The following C3 variants were observed in gnomAD, a reference collection of about 807,000 sequenced individuals.
C3 encodes C3 and PZP-like alpha-2-macroglobulin domain-containing protein 1.
C3 carries 97 observed loss-of-function variants against 207.9 expected under a neutral mutation model. The ratio of observed to expected loss-of-function variants is 0.47; its 90% CI spans 0.40 to 0.55. C3 has a LOEUF of 0.55. C3 is among the 20% of genes least tolerant of loss of function. C3 has a pLI of 0.00. For missense variants in C3, 1,684 were observed against 2,171.7 expected (o/e 0.78, Z 4.46); for synonymous variants, 848 against 857.6 (o/e 0.99, Z 0.20).
Position 6,686,247 on chromosome 19 carries a change from G to A in C3, c.3687C>T (p.Asn1229=), listed in dbSNP as rs201108539. ...RWEDPGKQLY[N]VEATSYALLA... Reference sequence around the variant, plus strand: ...AGAGGGCATAGGATGTGGCCTCCACGTTGTAGAGCTGCTTACCAGGGTCCT... The same window carrying A: ...AGAGGGCATAGGATGTGGCCTCCACATTGTAGAGCTGCTTACCAGGGTCCT... The change falls in exon 29 of 41, where the codon AAC becomes AAT. Residue 1229 remains asparagine, a synonymous_variant. Transcript: ENST00000245907. The A allele has an allele frequency of 1.4e-4, 234 of 1,614,054 alleles. No individual in the cohort carries two copies. The highest frequency in any genetic ancestry group is 3.3e-4 in the Middle Eastern group (2 of 6,060).
chr19:6,711,148 T>C lies in C3; in HGVS notation c.1318A>G (p.Thr440Ala). The part of the protein sequence containing the change: ...ELSEAEQATR[T>A]MQALPYSTVG... ...GTGCTGTAGGGCAGAGCCTGCATGG[T>C]CCTGGTAGCCTGCTCTGCCTCCGAG... The change falls in exon 12 of 41, where the codon ACC becomes GCC. Residue 440 changes from threonine (T) to alanine (A), a missense_variant. By Grantham distance (58) the Thr-to-Ala change is moderately conservative. Coordinates refer to ENST00000245907, the MANE Select transcript of C3 (RefSeq NM_000064.4). 1 of 1,613,978 alleles carries C rather than the reference T, an allele frequency of 6.2e-7. No homozygotes were observed. The highest frequency in any genetic ancestry group is 1.1e-5 in the South Asian group (1 of 91,076).
At chr19:6,698,261 C>T (rs748749251) in intron 19 of C3, among the ~76,000 whole-genome samples, 31 of 152,034 alleles carry the variant, frequency 2.0e-4, no homozygotes, top group Non-Finnish European at 3.8e-4. Flanking sequence ...ACGATCCACC[C>T]GCCTCAGCCT....
Position 6,711,112 on chromosome 19 carries a change from A to T in C3, c.1354T>A (p.Ser452Thr), listed in dbSNP as rs143430438. ...ACTGAGAGATGCAGGTAATTGTTGGAGTTGCCCACGGTGCTGTAGGGCAGA... is the reference window on the plus strand; with the variant it reads ...ACTGAGAGATGCAGGTAATTGTTGGTGTTGCCCACGGTGCTGTAGGGCAGA... ...QALPYSTVGNSNNYLHLSVLR... is the reference protein window; with the variant it reads ...QALPYSTVGNTNNYLHLSVLR... The change falls in exon 12 of 41, where the codon TCC (serine) becomes ACC (threonine). Residue 452 changes from serine (S) to threonine (T), a missense_variant. By Grantham distance (58) the Ser-to-Thr change is moderately conservative (BLOSUM62 1). Around this residue, in one of 3 missense-constraint regions of C3, gnomAD observed 1,280 missense variants for 1,739.1 expected, o/e 0.74. Coordinates refer to ENST00000245907, the MANE Select transcript of C3 (RefSeq NM_000064.4). 1.9e-6 allele frequency: 3 copies of T among 1,613,794 alleles called. No homozygotes were observed. In the African/African-American group the frequency reaches 4.0e-5, roughly 22 times the overall value.
chr19:6,686,396 T>C (rs1469037507), intron 28 of C3, 109 bp from the exon 29 acceptor site: 3 of 1,223,116 alleles, frequency 2.5e-6, no homozygotes, highest in South Asian at 2.4e-5. Context: ...TGTTTGGGTG[T>C]CCTGGCTGAC....
Position 6,719,108 on chromosome 19 carries a change from A to G in C3, c.267+103T>C, listed in dbSNP as rs921737226. 4.7e-5 allele frequency: 47 copies of G among 1,008,946 alleles called. No homozygotes were observed. The African/African-American group carries it at 6.9e-4, about 15-fold the overall frequency. The allele number at this position is 1,008,946 out of a possible 1,614,324, so 62.5% of individuals were successfully genotyped here. On this transcript the variant is annotated intron_variant, in intron 2 of 40. Coordinates refer to ENST00000245907, the MANE Select transcript of C3 (RefSeq NM_000064.4). This position sits in a 1 kb window ranked among gnomAD's most constrained non-coding sequence, Gnocchi z 5.4. ...AAGGGGTGGAGTCTCAGGGAAGGGCAGGGCTTAGAAAGGGAGAAGACAGAA... is the reference window on the plus strand; with the variant it reads ...AAGGGGTGGAGTCTCAGGGAAGGGCGGGGCTTAGAAAGGGAGAAGACAGAA...
At chr19:6,697,285 T>TA in intron 21 of C3, 59 bp downstream of exon 21, 1 of 1,279,044 alleles carries the variant, frequency 7.8e-7, no homozygotes, top group Non-Finnish European at 1.1e-6. Flanking sequence ...GAGTCAATAG[T>TA]ACGAAGACCA....
chr19:6,709,580 C>A, intron 14 of C3, 104 bp downstream of exon 14: 1 of 1,268,560 alleles, frequency 7.9e-7, no homozygotes, highest in Non-Finnish European at 1.1e-6. Flanking sequence ...CTGCTTTCAG[C>A]GCATGCCCCC....
chr19:6,683,079 G>A (rs1917904370), intron 33 of C3: 1 of 152,158 alleles, frequency 6.6e-6, no homozygotes, highest in Non-Finnish European at 1.5e-5. Context: ...GGGACAAAAA[G>A]GATGAAGATG....
At position 6,679,494 on chromosome 19, in the gene C3, C is replaced by T. The variant is rs146865006; in HGVS notation, c.4459G>A (p.Glu1487Lys). The change falls in exon 37 of 41, where the codon GAA (glutamate) becomes AAA (lysine). Residue 1487 changes from glutamate (E) to lysine (K), a missense_variant and splice_region_variant. Physicochemically the swap from Glu to Lys is moderately conservative, Grantham distance 56 (BLOSUM62 1). This residue lies in a region of C3 where 346 missense variants were observed against 380.1 expected (regional missense o/e 0.91). Transcript: ENST00000245907. ...VKVYAYYNLE[E>K]SCTRFYHPEK... ...GGATGGTAGAACCGGGTACAGCTTT[C>T]CTCTGCGGGCAGATGTGATGTGAAG... The T allele has an allele frequency of 6.2e-7, 1 of 1,609,164 alleles. No homozygotes were observed. The highest frequency in any genetic ancestry group is 8.5e-7 in the Non-Finnish European group (1 of 1,175,464).
intron 35 of C3, 124 bp from the exon 36 acceptor site, chr19:6,680,387 C>T: frequency 1.4e-6 from 1 of 692,686 alleles, no homozygotes; most frequent in Non-Finnish European, 2.7e-6. Context: ...GATGAATGAG[C>T]AATTCAGCAA....
chr19:6,691,304 C>G (rs1438321971), intron 26 of C3, among the ~76,000 whole-genome samples: 1 of 152,122 alleles, frequency 6.6e-6, no homozygotes, highest in Non-Finnish European at 1.5e-5. Context: ...CCACCTGCCT[C>G]GGCCTCCCAC....
chr19:6,702,442 G>A lies in C3; in HGVS notation c.2354+29C>T, dbSNP rs746662562. 2.8e-6 allele frequency: 4 copies of A among 1,411,504 alleles called. No homozygotes were observed. In the Admixed American group the frequency reaches 5.0e-5, roughly 18 times the overall value. The allele number at this position is 1,411,504 out of a possible 1,614,324, so 87.4% of individuals were successfully genotyped here. ...AAATTAAACGGTCTGACTCTGGGGT[G>A]GGTTGTACCGGGGGTACCCCGGCCT... On this transcript the variant is annotated intron_variant, in intron 18 of 40. Transcript: ENST00000245907.
chr19:6,690,520 T>G (rs1446492453), intron 27 of C3, 109 bp downstream of exon 27: 1 of 826,618 alleles, frequency 1.2e-6, no homozygotes, highest in Non-Finnish European at 2.1e-6. Context: ...ATGTCTGTTA[T>G]TGCACTGGGA....
chr19:6,707,174 A>G lies in C3; in HGVS notation c.2147T>C (p.Leu716Pro). 2 of 1,613,702 alleles carry G rather than the reference A, an allele frequency of 1.2e-6. No individual in the cohort carries two copies. The highest frequency in any genetic ancestry group is 1.7e-6 in the Non-Finnish European group (2 of 1,179,886). ...GAAGACCTTCTTGCACGCCTCGCCCAGGGAGATGAAACGGGTCCGGCGCTG... is the reference window on the plus strand; with the variant it reads ...GAAGACCTTCTTGCACGCCTCGCCCGGGGAGATGAAACGGGTCCGGCGCTG... ...SCQRRTRFIS[L>P]GEACKKVFLD... Residue 716 changes from leucine (L) to proline (P), a missense_variant, in exon 17 of 41, where the codon CTG becomes CCG. Leu to Pro is a moderately conservative substitution (Grantham distance 98). Coordinates refer to ENST00000245907, the MANE Select transcript of C3 (RefSeq NM_000064.4).
intron 17 of C3, chr19:6,702,853 G>A (rs1283282990): frequency 2.3e-5 from 9 of 384,408 alleles, no homozygotes; most frequent in African/African-American, 1.9e-4. Context: ...GGACAACATG[G>A]TGAAACCCCA....
At chr19:6,696,074 G>A (rs1024513198) in intron 23 of C3, among the ~76,000 whole-genome samples, 3 of 151,772 alleles carry the variant, frequency 2.0e-5, no homozygotes, top group Non-Finnish European at 4.4e-5. Flanking sequence ...GCCGGGCGTG[G>A]TGGCGGGTGG....
chr19:6,703,945 TCAAACAAACAAA>T (rs747215227), intron 17 of C3, among the ~76,000 whole-genome samples: 1 of 150,628 alleles, frequency 6.6e-6, no homozygotes, highest in Admixed American at 6.6e-5. Flanking sequence ...AGACTCCCTC[TCAAACAAACAAA>T]CAAACAAACA....
chr19:6,718,933 G>C (rs1055991264), intron 2 of C3, among the ~76,000 whole-genome samples: 14 of 144,474 alleles, frequency 9.7e-5, no homozygotes, highest in African/African-American at 3.1e-4. Flanking sequence ...AGAAGGGGTG[G>C]GGTCTCAGGG....
At chr19:6,718,507 C>T in intron 2 of C3, 95 bp from the exon 3 acceptor site, 1 of 1,475,676 alleles carries the variant, frequency 6.8e-7, no homozygotes, top group Non-Finnish European at 9.5e-7. Flanking sequence ...CCTTGCCTGC[C>T]CATTATTCTT....
Sources: gnomAD v4.1 joint callset for allele counts (sites outside exome capture counted in the v4.1 genomes callset) on GRCh38, gnomAD v4.1.1 for gene constraint, gnomAD v4.1.1 regional missense constraint, Gnocchi (gnomAD v3.1) non-coding constraint, MANE v1.5 for transcripts, NCBI Gene and HGNC (gene_info 2026-07-23, HGNC 2026-07-21) for gene names.